SLC35A3: variants seen among roughly 807,000 people sequenced by gnomAD.
SLC35A3 encodes the protein solute carrier family 35 member A3, also known as UDP-N-acetylglucosamine transporter.
A neutral mutation model predicts 39.0 loss-of-function variants in SLC35A3; 26 were observed. The ratio of observed to expected loss-of-function variants is 0.67; its 90% confidence interval spans 0.49 to 0.92. The LOEUF (loss-of-function observed/expected upper bound fraction) is 0.92. SLC35A3 is among the 40% of genes least tolerant of loss of function. The pLI, the probability that SLC35A3 is intolerant of heterozygous loss-of-function variation, is 0.00. For synonymous variants in SLC35A3, 135 were observed against 133.1 expected (o/e 1.01, Z -0.10); for missense variants, 299 against 371.6 (o/e 0.80, Z 1.61).
rs562751978 is a variant in SLC35A3 at position 100,016,264 on chromosome 1, C to T, written c.753+844C>T. ...ATTTTTAGTAGAGACGGGGGTTTCA[C>T]CATGTTAGCCAGGATGATCTCGATC... On this transcript the variant is annotated intron_variant, in intron 6 of 7. Transcript: ENST00000533028. Among the ~76,000 whole-genome samples the T allele has an allele frequency of 5.3e-5, 8 of 151,748 alleles. No homozygotes were observed. In the East Asian group the frequency reaches 1.4e-3, roughly 26 times the overall value.
intron 1 of SLC35A3, among the ~76,000 whole-genome samples, chr1:99,989,962 GTCCAAGCTGGTCTTGAACT>G (rs1307863412): frequency 6.6e-6 from 1 of 152,034 alleles, no homozygotes; most frequent in Non-Finnish European, 1.5e-5. Flanking sequence ...TCACTTTGTT[GTCCAAGCTGGTCTTGAACT>G]TCTGGGCTCA....
rs1208051740 is a variant in SLC35A3 at position 100,033,519 on chromosome 1, G to A, written c.*11043G>A. 2.0e-5 allele frequency: 3 copies of A among 151,952 alleles called. No individual in the cohort carries two copies. The highest frequency in any genetic ancestry group is 4.4e-5 in the Non-Finnish European group (3 of 67,984). 9.4% of individuals were successfully genotyped at this position (151,952 alleles called of 1,614,324 possible). On this transcript the variant is annotated 3_prime_UTR_variant, in exon 8 of 8. Coordinates refer to ENST00000533028, the MANE Select transcript of SLC35A3 (RefSeq NM_012243.3). ...ATATGCATATTGCTGTACTTACTGT[G>A]CCTCTTTCACAACATGGGGTCTTTA...
intron 3 of SLC35A3, among the ~76,000 whole-genome samples, chr1:100,006,812 G>A (rs567791483): frequency 6.6e-6 from 1 of 152,206 alleles, no homozygotes; most frequent in East Asian, 1.9e-4. Context: ...TAATAAGAAG[G>A]TTCAATTCAT....
chr1:100,009,293 C>T (rs80126683), intron 4 of SLC35A3: 7 of 151,510 alleles, frequency 4.6e-5, no homozygotes, highest in African/African-American at 1.2e-4. Context: ...TTCAGTAGGT[C>T]GGAAACAGCA....
intron 3 of SLC35A3, chr1:100,000,733 G>A (rs1447854284): frequency 1.3e-5 from 2 of 152,066 alleles, no homozygotes; most frequent in Non-Finnish European, 2.9e-5. Context: ...GTTTGCTGCT[G>A]AAGCAAGCAC....
At chr1:100,017,576 G>A in intron 6 of SLC35A3, 106 bp from the exon 7 acceptor site, 3 of 665,512 alleles carry the variant, frequency 4.5e-6, no homozygotes, top group East Asian at 3.2e-5. Flanking sequence ...TACTATAATG[G>A]GATTGAATTT....
chr1:99,974,352 A>G (rs1034211397), intron 1 of SLC35A3, among the ~76,000 whole-genome samples: 3 of 152,220 alleles, frequency 2.0e-5, no homozygotes, highest in Admixed American at 6.5e-5. Context: ...CATTTTATAG[A>G]TAAGGGAAAG....
At chr1:99,972,811 C>T (rs919769269) in intron 1 of SLC35A3, among the ~76,000 whole-genome samples, 7 of 152,132 alleles carry the variant, frequency 4.6e-5, no homozygotes, top group Non-Finnish European at 7.4e-5. Context: ...TTTGAAAATG[C>T]TTTTCTGTTC....
chr1:99,995,718 G>A (rs984598128), intron 2 of SLC35A3, among the ~76,000 whole-genome samples: 1 of 152,136 alleles, frequency 6.6e-6, no homozygotes, highest in Non-Finnish European at 1.5e-5. Context: ...TGCATATGGA[G>A]CTCAAGAATT....
At chr1:100,001,959 G>C (rs929304231) in intron 3 of SLC35A3, among the ~76,000 whole-genome samples, 4 of 152,078 alleles carry the variant, frequency 2.6e-5, no homozygotes, top group African/African-American at 9.7e-5. Context: ...AATCCTACTT[G>C]ATTATGGTAA....
chr1:100,027,234 T>C lies in SLC35A3; in HGVS notation c.*4758T>C, dbSNP rs1252093674. 1.0e-5 allele frequency: 4 copies of C among 398,486 alleles called. No individual in the cohort carries two copies. Among genetic ancestry groups the C allele is most frequent in the Non-Finnish European group, 1.3e-5 (3 of 226,062 alleles). The allele number at this position is 398,486 out of a possible 1,614,324, so 24.7% of individuals were successfully genotyped here. ...TAGGAAGCCAAGGCAGAAGAATCGC[T>C]TGAGCCCATGAATTTGAGGCCAGCC... On this transcript the variant is annotated 3_prime_UTR_variant, in exon 8 of 8. Coordinates refer to ENST00000533028, the MANE Select transcript of SLC35A3 (RefSeq NM_012243.3).
chr1:100,010,034 C>G (rs959528916), intron 4 of SLC35A3, among the ~76,000 whole-genome samples: 1 of 152,150 alleles, frequency 6.6e-6, no homozygotes, highest in African/African-American at 2.4e-5. Context: ...CCATATGTAG[C>G]TATTTAAATT....
At position 99,977,260 on chromosome 1, in the gene SLC35A3, G is replaced by A. The variant is rs150724470; in HGVS notation, c.-19+7098G>A. Among the ~76,000 whole-genome samples the A allele has an allele frequency of 1.3e-4, 20 of 150,622 alleles. No individual in the cohort carries two copies. The East Asian group carries it at 3.5e-3, about 27-fold the overall frequency. On this transcript the variant is annotated intron_variant, in intron 1 of 7. Transcript: ENST00000533028. ...AGGCCTGGTGCAGTGGCTCACACCT[G>A]TAATCCCAGCACTCTGGGAGGTAGA... is the stretch of plus-strand genomic sequence containing the variant.
chr1:99,974,568 G>T (rs909511537), intron 1 of SLC35A3, among the ~76,000 whole-genome samples: 20 of 152,026 alleles, frequency 1.3e-4, no homozygotes, highest in Non-Finnish European at 4.4e-5. Context: ...GGCCTCAAGC[G>T]ATCCTCCCAC....
At chr1:100,019,106 G>C (rs1217283755) in intron 7 of SLC35A3, among the ~76,000 whole-genome samples, 5 of 151,182 alleles carry the variant, frequency 3.3e-5, no homozygotes, top group African/African-American at 1.2e-4. Flanking sequence ...AATGTACTTT[G>C]AGAATGTTTG....
intron 1 of SLC35A3, among the ~76,000 whole-genome samples, chr1:99,985,141 G>A (rs541413607): frequency 9.9e-5 from 15 of 152,208 alleles, no homozygotes; most frequent in Middle Eastern, 3.4e-3. Context: ...TTAAGTCTTT[G>A]CCTAAGCCAA....
intron 2 of SLC35A3, among the ~76,000 whole-genome samples, chr1:99,994,356 TATCTAAATTTTATCTAAAATTTTTA>T (rs1179348452): frequency 6.8e-5 from 9 of 131,468 alleles, no homozygotes; most frequent in East Asian, 4.1e-4. Context: ...TAAAATTTTT[TATCTAAATTTTATCTAAAATTTTTA>T]ATCTAAATTT....
intron 5 of SLC35A3, among the ~76,000 whole-genome samples, chr1:100,013,867 G>T (rs1190112995): frequency 6.6e-6 from 1 of 151,998 alleles, no homozygotes; most frequent in Non-Finnish European, 1.5e-5. Flanking sequence ...CCTTTCTATT[G>T]TGGAATACTT....
At chr1:100,015,173 A>G (rs945697565) in intron 5 of SLC35A3, 129 bp from the exon 6 acceptor site, 6 of 990,768 alleles carry the variant, frequency 6.1e-6, no homozygotes, top group East Asian at 3.0e-5. Context: ...AAAAAAAAAA[A>G]AAAAGAAAGT....
Sources: gnomAD v4.1 joint callset for allele counts (sites outside exome capture counted in the v4.1 genomes callset) on GRCh38, gnomAD v4.1.1 for gene constraint, MANE v1.5 for transcripts, NCBI Gene and HGNC (gene_info 2026-07-23, HGNC 2026-07-21) for gene names.